The following STOM variants were observed in gnomAD, a reference collection of about 807,000 sequenced individuals.
STOM encodes erythrocyte band 7 integral membrane protein.
In STOM, 25 loss-of-function variants were observed where a neutral mutation model predicts 30.6. The observed-to-expected ratio is 0.82, with a 90% CI of 0.60 to 1.14. STOM has a LOEUF of 1.14. Among genes scored for constraint, STOM ranks in the 50% most tolerant of loss-of-function variants. The probability of loss-of-function intolerance (pLI) is 0.00; values close to 1 mark genes in which losing one functional copy is unlikely to be tolerated. For missense variants in STOM, 292 were observed against 365.2 expected, an observed-to-expected ratio of 0.80 and a Z score of 1.63; for synonymous variants, 118 against 130.8, an observed-to-expected ratio of 0.90 and a Z score of 0.67.
At chr9:121,358,152 A>AAAT (rs895539302) in intron 1 of STOM, among the ~76,000 whole-genome samples, 2 of 150,378 alleles carry the variant, frequency 1.3e-5, no homozygotes, top group African/African-American at 4.9e-5. Flanking sequence ...AAAAAAAAAA[A>AAAT]AATAATAATA....
Position 121,340,640 on chromosome 9 carries a change from C to G in STOM, c.*562G>C, listed in dbSNP as rs2134018654. On this transcript the variant is annotated 3_prime_UTR_variant, in exon 7 of 7. Transcript: ENST00000286713. The stretch of plus-strand genomic sequence containing the variant: ...TGGCATGAGCCTGTAATCCCAGCTA[C>G]TGGGGAGGCTGAGGCAGGAGAATCT... The G allele has an allele frequency of 1.2e-5, 8 of 658,244 alleles. No individual in the cohort carries two copies. Among genetic ancestry groups the G allele is most frequent in the Non-Finnish European group, 1.5e-5 (8 of 531,602 alleles). 40.8% of individuals were successfully genotyped at this position (658,244 alleles called of 1,614,324 possible).
chr9:121,354,457 C>T, intron 3 of STOM, 144 bp downstream of exon 3: 1 of 581,874 alleles, frequency 1.7e-6, no homozygotes, highest in South Asian at 2.3e-5. Context: ...GAGTTCAAGG[C>T]TGCAGTGAGA....
At position 121,339,848 on chromosome 9, in the gene STOM, G is replaced by T; in HGVS notation, c.*1354C>A. On this transcript the variant is annotated 3_prime_UTR_variant, in exon 7 of 7. Coordinates refer to ENST00000286713, the MANE Select transcript of STOM (RefSeq NM_004099.6). Reference sequence around the variant, plus strand: ...ATTTAAAAAGACCTACATCTATATAGATATTGTAAGTTTGACAGTATCTGC... The same window carrying T: ...ATTTAAAAAGACCTACATCTATATATATATTGTAAGTTTGACAGTATCTGC... 1 of 1,177,602 alleles carries T rather than the reference G, an allele frequency of 8.5e-7. No individual in the cohort carries two copies. The highest frequency in any genetic ancestry group is 3.7e-5 in the East Asian group (1 of 26,832). The allele number at this position is 1,177,602 out of a possible 1,614,324, so 72.9% of individuals were successfully genotyped here. A position where few individuals can be genotyped will look rare whatever the true frequency, so the allele number is the denominator to read the frequency against.
intron 1 of STOM, among the ~76,000 whole-genome samples, chr9:121,369,383 T>G (rs2064538867): frequency 6.6e-6 from 1 of 151,954 alleles, no homozygotes; most frequent in Admixed American, 6.5e-5. Context: ...CCATCTCTCT[T>G]TATTGGAACC....
chr9:121,348,757 A>G (rs2064311703), intron 5 of STOM, among the ~76,000 whole-genome samples: 1 of 152,246 alleles, frequency 6.6e-6, no homozygotes, highest in African/African-American at 2.4e-5. Flanking sequence ...TCTGTTACTC[A>G]AGAAAGACTG....
chr9:121,349,932 A>C (rs1386291182), intron 4 of STOM, among the ~76,000 whole-genome samples: 1 of 152,250 alleles, frequency 6.6e-6, no homozygotes, highest in African/African-American at 2.4e-5. Flanking sequence ...AAATAGTTAC[A>C]TCCATCACTT....
At chr9:121,361,564 A>G (rs575079664) in intron 1 of STOM, among the ~76,000 whole-genome samples, 1 of 151,568 alleles carries the variant, frequency 6.6e-6, no homozygotes, top group East Asian at 1.9e-4. Flanking sequence ...AATTTTTTGT[A>G]TTTTTAGTAG....
At chr9:121,349,058 C>T in intron 5 of STOM, 62 bp downstream of exon 5, 1 of 1,560,548 alleles carries the variant, frequency 6.4e-7, no homozygotes, top group East Asian at 2.3e-5. Context: ...TCTCAAACAA[C>T]CATTGACTCT....
chr9:121,361,869 G>A (rs2064456478), intron 1 of STOM, among the ~76,000 whole-genome samples: 1 of 152,176 alleles, frequency 6.6e-6, no homozygotes, highest in Non-Finnish European at 1.5e-5. Context: ...GTTTTGGGAT[G>A]AAACTGTTCC....
At chr9:121,347,961 T>C in intron 6 of STOM, 54 bp downstream of exon 6, 1 of 1,539,432 alleles carries the variant, frequency 6.5e-7, no homozygotes, top group South Asian at 1.2e-5. Context: ...TTTTTTATAA[T>C]TATTAATAAA....
chr9:121,339,537 T>C lies in STOM; in HGVS notation c.*1665A>G, dbSNP rs557972933. The stretch of plus-strand genomic sequence containing the variant: ...GGGGAAGGGACATCCATTGGCTGGA[T>C]GGACAGAGTGGTTGAGCTAAAGAGA... On this transcript the variant is annotated 3_prime_UTR_variant, in exon 7 of 7. Coordinates refer to ENST00000286713, the MANE Select transcript of STOM (RefSeq NM_004099.6). 8.9e-6 allele frequency: 11 copies of C among 1,229,894 alleles called. No individual in the cohort carries two copies. In the East Asian group the frequency reaches 3.5e-4, roughly 39 times the overall value. 76.2% of individuals were successfully genotyped at this position (1,229,894 alleles called of 1,614,324 possible). A position where few individuals can be genotyped will look rare whatever the true frequency, so the allele number is the denominator to read the frequency against.
chr9:121,345,735 T>G (rs1156470016), intron 6 of STOM, among the ~76,000 whole-genome samples: 2 of 152,146 alleles, frequency 1.3e-5, no homozygotes, highest in East Asian at 1.9e-4. Context: ...CTTTTCTTAC[T>G]GTTATAAAGG....
In STOM at chr9:121,340,979, C is replaced by A; in HGVS notation, c.*223G>T. ...CCTACTACATAATAATCTAAAAATA[C>A]AAACTTTTAACTATTTTAAGACTAA... On this transcript the variant is annotated 3_prime_UTR_variant, in exon 7 of 7. Transcript: ENST00000286713. 1.4e-6 allele frequency: 2 copies of A among 1,386,418 alleles called. No individual in the cohort carries two copies. Among genetic ancestry groups the A allele is most frequent in the Admixed American group, 3.0e-5 (1 of 33,470 alleles). The allele number at this position is 1,386,418 out of a possible 1,614,324, so 85.9% of individuals were successfully genotyped here.
intron 4 of STOM, among the ~76,000 whole-genome samples, chr9:121,351,577 G>A (rs2064339815): frequency 6.6e-6 from 1 of 152,196 alleles, no homozygotes; most frequent in Non-Finnish European, 1.5e-5. Flanking sequence ...GTATGCAACG[G>A]TTATTAAGTC....
chr9:121,352,965 C>T (rs1589291872), intron 4 of STOM, among the ~76,000 whole-genome samples: 2 of 152,012 alleles, frequency 1.3e-5, no homozygotes, highest in Non-Finnish European at 2.9e-5. Flanking sequence ...TGGTGGCGCA[C>T]ATCTATAGTC....
At chr9:121,355,418 G>A (rs1288446778) in intron 2 of STOM, among the ~76,000 whole-genome samples, 1 of 150,280 alleles carries the variant, frequency 6.7e-6, no homozygotes, top group African/African-American at 2.4e-5. Context: ...CTCATGCATT[G>A]TTAATTCAGA....
Position 121,339,396 on chromosome 9 carries a change from A to C in STOM, c.*1806T>G, listed in dbSNP as rs1374402715. On this transcript the variant is annotated 3_prime_UTR_variant, in exon 7 of 7. Coordinates refer to ENST00000286713, the MANE Select transcript of STOM (RefSeq NM_004099.6). ...TAAAACCATCATTTTAAAATTCAAA[A>C]TGTAAGTGCAACTTGAGTTTAAGTT... 1.9e-6 allele frequency: 1 copy of C among 519,098 alleles called. No homozygotes were observed. The highest frequency in any genetic ancestry group is 2.0e-5 in the African/African-American group (1 of 50,542). 32.2% of individuals were successfully genotyped at this position (519,098 alleles called of 1,614,324 possible). A position where few individuals can be genotyped will look rare whatever the true frequency, so the allele number is the denominator to read the frequency against.
intron 1 of STOM, 122 bp from the exon 2 acceptor site, chr9:121,356,278 T>C: frequency 1.4e-6 from 1 of 723,972 alleles, no homozygotes; most frequent in Non-Finnish European, 2.3e-6. Context: ...TTTACATGAA[T>C]TTCCCCATCT....
At chr9:121,367,361 T>C (rs753203802) in intron 1 of STOM, among the ~76,000 whole-genome samples, 4 of 152,222 alleles carry the variant, frequency 2.6e-5, no homozygotes, top group Non-Finnish European at 5.9e-5. Flanking sequence ...GTAAAATTTA[T>C]ACCATCAAAT....
Sources: allele counts gnomAD v4.1 joint callset (sites outside exome capture counted in the v4.1 genomes callset), GRCh38; gene constraint gnomAD v4.1.1; transcripts MANE v1.5; gene names NCBI Gene and HGNC (gene_info 2026-07-23, HGNC 2026-07-21).